The following BICC1 variants were observed in gnomAD, a reference collection of about 807,000 sequenced individuals.
BICC1 encodes BicC family RNA binding protein 1.
BICC1 carries 43 observed loss-of-function variants against 111.0 expected under a neutral mutation model. That is an observed-to-expected ratio of 0.39 (90% CI 0.30 to 0.50). The LOEUF (loss-of-function observed/expected upper bound fraction) is 0.50, where lower values mean the gene tolerates loss of function less well. Ranked by LOEUF, BICC1 falls within the 20% of genes least tolerant of loss-of-function variation. The pLI is 0.88. For synonymous variants in BICC1, 467 were observed against 434.4 expected (o/e 1.07, Z -0.93); for missense variants, 1,091 against 1,203.2 (o/e 0.91, Z 1.38).
rs1158222232 is a variant in BICC1, at chr10:58,568,867, G to T, written c.191-51988G>T. 2.0e-5 allele frequency among the ~76,000 whole-genome samples: 3 copies of T among 152,164 alleles called. No homozygotes were observed. The East Asian group carries it at 5.8e-4, about 29-fold the overall frequency. On this transcript the variant is annotated intron_variant, in intron 1 of 20. Transcript: ENST00000373886. ...TATTACCAAGGCCTCTTTAAGGAAG[G>T]GGAATTTGGCCTCAAAGCCAACTGG...
chr10:58,542,278 A>ACT (rs1843012012), intron 1 of BICC1, among the ~76,000 whole-genome samples: 1 of 152,066 alleles, frequency 6.6e-6, no homozygotes, highest in Admixed American at 6.6e-5. Context: ...GGCTACTAGT[A>ACT]GGGAAAGGAC....
intron 2 of BICC1, among the ~76,000 whole-genome samples, chr10:58,632,540 G>C (rs1837827645): frequency 6.6e-6 from 1 of 152,138 alleles, no homozygotes; most frequent in South Asian, 2.1e-4. Flanking sequence ...AGGACTCAGG[G>C]AAGATGGATT....
At chr10:58,551,350 A>G (rs1798288490) in intron 1 of BICC1, among the ~76,000 whole-genome samples, 1 of 151,986 alleles carries the variant, frequency 6.6e-6, no homozygotes, top group Admixed American at 6.6e-5. Context: ...TTTATTATTT[A>G]TTTACTTTTA....
upstream of BICC1, among the ~76,000 whole-genome samples, chr10:58,512,709 G>T (rs952678107): frequency 2.0e-5 from 3 of 151,898 alleles, no homozygotes; most frequent in Non-Finnish European, 4.4e-5. Flanking sequence ...CAGTGTGTAC[G>T]TGGTGTGTGT....
intron 2 of BICC1, among the ~76,000 whole-genome samples, chr10:58,659,884 G>C (rs183543298): frequency 2.6e-4 from 39 of 152,216 alleles, no homozygotes; most frequent in African/African-American, 9.1e-4. Flanking sequence ...TAGCAACAAA[G>C]TAACAGTACT....
chr10:58,518,321 T>C (rs972277397), intron 1 of BICC1, among the ~76,000 whole-genome samples: 1 of 152,110 alleles, frequency 6.6e-6, no homozygotes. Flanking sequence ...ATACTCTGCC[T>C]GGGTTAACAT....
At chr10:58,674,543 A>G (rs1233922497) in intron 2 of BICC1, among the ~76,000 whole-genome samples, 1 of 152,098 alleles carries the variant, frequency 6.6e-6, no homozygotes, top group Non-Finnish European at 1.5e-5. Context: ...TAGACATCTG[A>G]GTCAGGCACT....
At chr10:58,737,251 C>T (rs1201536977) in intron 3 of BICC1, among the ~76,000 whole-genome samples, 2 of 152,100 alleles carry the variant, frequency 1.3e-5, no homozygotes, top group East Asian at 3.9e-4. Flanking sequence ...CTCTCCCTTC[C>T]CCCCACCGCA....
At chr10:58,554,560 A>T (rs1463519575) in intron 1 of BICC1, among the ~76,000 whole-genome samples, 1 of 152,062 alleles carries the variant, frequency 6.6e-6, no homozygotes. Context: ...TCTTCCTGTG[A>T]TGTAAGTCAG....
At chr10:58,679,925 C>A (rs1839463984) in intron 2 of BICC1, among the ~76,000 whole-genome samples, 1 of 152,118 alleles carries the variant, frequency 6.6e-6, no homozygotes, top group South Asian at 2.1e-4. Context: ...TAAACAGAAC[C>A]AATGACAAAA....
At chr10:58,601,140 T>TATATATATATATATATATATATATATA (rs1554810885) in intron 1 of BICC1, among the ~76,000 whole-genome samples, 1 of 100,672 alleles carries the variant, frequency 9.9e-6, no homozygotes, top group Non-Finnish European at 2.0e-5. Flanking sequence ...ATTTTAAAAC[T>TATATATATATATATATATATATATATA]TATATATATA....
At chr10:58,684,808 T>G (rs1394139922) in intron 2 of BICC1, among the ~76,000 whole-genome samples, 1 of 152,182 alleles carries the variant, frequency 6.6e-6, no homozygotes, top group African/African-American at 2.4e-5. Context: ...TTTGTTGATG[T>G]TTTCAAAAAA....
rs1053929711 is a variant in BICC1, at chr10:58,753,018, A to G, written c.308-31983A>G. On this transcript the variant is annotated intron_variant, in intron 3 of 20. Transcript: ENST00000373886. ...AGCTGCATCTGAGTAATCAGGAAAA[A>G]GTGGGGCGATTGAAGGGCTGCAGGG... 1.1e-4 allele frequency among the ~76,000 whole-genome samples: 17 copies of G among 152,256 alleles called. No individual in the cohort carries two copies. The East Asian group carries it at 3.3e-3, about 29-fold the overall frequency.
rs570351746 is a variant in BICC1 at position 58,631,489 on chromosome 10, TTCTTTCTTTTTTTTTGTGAAA to T, written c.237+10591_237+10611del. The stretch of plus-strand genomic sequence containing the variant: ...GGAAAAATAAATTTCATTATCTTTC[TTCTTTCTTTTTTTTTGTGAAA>T]TCAAAATTATCAAGAAATGTGTACA... On this transcript the variant is annotated intron_variant, in intron 2 of 20. Coordinates refer to ENST00000373886, the MANE Select transcript of BICC1 (RefSeq NM_001080512.3). Among the ~76,000 whole-genome samples, 1,032 of 152,252 alleles carry T rather than the reference TTCTTTCTTTTTTTTTGTGAAA, an allele frequency of 6.8e-3. 10 individuals carry two copies. Among genetic ancestry groups the T allele is most frequent in the African/African-American group, 0.024 (994 of 41,578 alleles).
intron 3 of BICC1, among the ~76,000 whole-genome samples, chr10:58,745,607 C>CA (rs1554827842): frequency 3.9e-5 from 5 of 128,204 alleles, no homozygotes; most frequent in Admixed American, 8.0e-5. Context: ...CCACCGCCCC[C>CA]CCCCCACATT....
chr10:58,581,479 AAATC>A (rs1404104084), intron 1 of BICC1, among the ~76,000 whole-genome samples: 1 of 152,190 alleles, frequency 6.6e-6, no homozygotes, highest in African/African-American at 2.4e-5. Flanking sequence ...AGAAAAGAAA[AAATC>A]AAGGCACAAC....
At chr10:58,631,172 G>A (rs1837782012) in intron 2 of BICC1, among the ~76,000 whole-genome samples, 1 of 152,102 alleles carries the variant, frequency 6.6e-6, no homozygotes, top group South Asian at 2.1e-4. Flanking sequence ...ACACTTCTGT[G>A]GGAAGTTTGT....
chr10:58,746,165 C>T (rs1054961951), intron 3 of BICC1, among the ~76,000 whole-genome samples: 5 of 152,038 alleles, frequency 3.3e-5, no homozygotes, highest in Non-Finnish European at 7.4e-5. Flanking sequence ...ACGATGTGGA[C>T]AGAATTTAAT....
At chr10:58,565,337 A>G (rs1843723098) in intron 1 of BICC1, among the ~76,000 whole-genome samples, 1 of 152,348 alleles carries the variant, frequency 6.6e-6, no homozygotes, top group South Asian at 2.1e-4. Context: ...CTTGCAGTCA[A>G]GGAATTGCAG....
Sources: gnomAD v4.1 joint callset for allele counts (sites outside exome capture counted in the v4.1 genomes callset) on GRCh38, gnomAD v4.1.1 for gene constraint, MANE v1.5 for transcripts, NCBI Gene and HGNC (gene_info 2026-07-23, HGNC 2026-07-21) for gene names.